The following ATE1 variants were observed in gnomAD, a reference collection of about 807,000 sequenced individuals.
The protein encoded by ATE1 is arginyl-tRNA--protein transferase 1.
In ATE1, 36 loss-of-function variants were observed where a neutral mutation model predicts 70.5. The ratio of observed to expected loss-of-function variants is 0.51; its 90% CI spans 0.39 to 0.67. The LOEUF (loss-of-function observed/expected upper bound fraction) is 0.67. Ranked by LOEUF, ATE1 falls within the 30% of genes least tolerant of loss-of-function variation. ATE1 has a pLI of 0.00. For synonymous variants in ATE1, 232 were observed against 219.3 expected (o/e 1.06, Z -0.51); for missense variants, 593 against 629.5 (o/e 0.94, Z 0.62).
chr10:121,825,432 C>T (rs1947969517), intron 10 of ATE1, among the ~76,000 whole-genome samples: 1 of 152,202 alleles, frequency 6.6e-6, no homozygotes, highest in East Asian at 1.9e-4. Context: ...GATGTTCACA[C>T]TCTGCAGGAC....
At chr10:121,893,008 G>A (rs968219463) in intron 7 of ATE1, among the ~76,000 whole-genome samples, 1 of 152,116 alleles carries the variant, frequency 6.6e-6, no homozygotes, top group Non-Finnish European at 1.5e-5. Context: ...GCCGGGCACG[G>A]TGGCTTACGC....
intron 11 of ATE1, among the ~76,000 whole-genome samples, chr10:121,778,671 G>A (rs1282494626): frequency 7.0e-6 from 1 of 143,098 alleles, no homozygotes; most frequent in South Asian, 2.3e-4. Flanking sequence ...GCGTGACATC[G>A]GCTCACTGCA....
chr10:121,788,834 C>A (rs1251803238), intron 11 of ATE1, among the ~76,000 whole-genome samples: 1 of 152,222 alleles, frequency 6.6e-6, no homozygotes, highest in African/African-American at 2.4e-5. Context: ...AAGGGGAAGA[C>A]AAGCATGTCA....
intron 7 of ATE1, among the ~76,000 whole-genome samples, chr10:121,874,497 C>G (rs1949965596): frequency 6.6e-6 from 1 of 152,150 alleles, no homozygotes; most frequent in Non-Finnish European, 1.5e-5. Context: ...AGAATTAAAT[C>G]TGTATTTAAC....
intron 7 of ATE1, among the ~76,000 whole-genome samples, chr10:121,886,011 A>G (rs183371744): frequency 1.3e-5 from 2 of 152,228 alleles, no homozygotes; most frequent in East Asian, 3.9e-4. Context: ...ATACAGGTTA[A>G]GTATCCCTAA....
At chr10:121,786,180 GA>G (rs1946196580) in intron 11 of ATE1, among the ~76,000 whole-genome samples, 1 of 141,444 alleles carries the variant, frequency 7.1e-6, no homozygotes, top group Admixed American at 7.2e-5. Flanking sequence ...TAGTGCTTGG[GA>G]AACAGCACAT....
rs1226221263 is a variant in ATE1 at position 121,740,825 on chromosome 10, TAA to T, written c.*2853_*2854del. ...GAATGAAAAATAGGATAAAGCTATT[TAA>T]AAGTCAACATAGTAATATTTATCTA... is the stretch of plus-strand genomic sequence containing the variant. On this transcript the variant is annotated 3_prime_UTR_variant, in exon 12 of 12. Transcript: ENST00000224652. The T allele has an allele frequency of 1.3e-5, 2 of 152,180 alleles. No homozygotes were observed. Among genetic ancestry groups the T allele is most frequent in the Non-Finnish European group, 2.9e-5 (2 of 68,026 alleles). 9.4% of individuals were successfully genotyped at this position (152,180 alleles called of 1,614,324 possible).
intron 8 of ATE1, among the ~76,000 whole-genome samples, chr10:121,852,611 T>TGAGGCAGGAAAATCACTTGAACCCGG (rs1949097484): frequency 6.6e-6 from 1 of 151,978 alleles, no homozygotes; most frequent in South Asian, 2.1e-4. Flanking sequence ...CTTGGGAGGC[T>TGAGGCAGGAAAATCACTTGAACCCGG]GAGGCAGGAA....
At chr10:121,884,815 T>G (rs1950331597) in intron 7 of ATE1, among the ~76,000 whole-genome samples, 1 of 152,208 alleles carries the variant, frequency 6.6e-6, no homozygotes, top group Non-Finnish European at 1.5e-5. Flanking sequence ...CTATTAGTAA[T>G]AAATGTCTTG....
chr10:121,776,750 GCA>G lies in ATE1; in HGVS notation c.1378+13417_1378+13418del, dbSNP rs371253520. Among the ~76,000 whole-genome samples the G allele has an allele frequency of 1.5e-4, 23 of 152,376 alleles. No individual in the cohort carries two copies. The East Asian group carries it at 3.5e-3, about 23-fold the overall frequency. On this transcript the variant is annotated intron_variant, in intron 11 of 11. Transcript: ENST00000224652. ...TAAGTGTGCACGCATGCACGCGTGT[GCA>G]CAGATACATGAAAGTGAGTATTATA...
At chr10:121,894,138 AAAAAAAAAAAAAAAAGGAACAGAGG>A (rs1950683391) in intron 7 of ATE1, among the ~76,000 whole-genome samples, 1 of 104,150 alleles carries the variant, frequency 9.6e-6, no homozygotes, top group African/African-American at 3.1e-5. Flanking sequence ...ACTCCATCTC[AAAAAAAAAAAAAAAAGGAACAGAGG>A]AAAAAAAAAA....
intron 5 of ATE1, among the ~76,000 whole-genome samples, chr10:121,907,138 A>T (rs1484002164): frequency 2.6e-5 from 4 of 152,100 alleles, no homozygotes; most frequent in Non-Finnish European, 5.9e-5. Flanking sequence ...AAGAAACTAC[A>T]AACATCAAAA....
intron 3 of ATE1, among the ~76,000 whole-genome samples, chr10:121,917,990 T>C (rs1232409390): frequency 2.0e-5 from 3 of 152,196 alleles, no homozygotes; most frequent in Non-Finnish European, 2.9e-5. Context: ...ACTGCTGTTA[T>C]ATACAAGGTA....
At chr10:121,806,085 T>C (rs1220047037) in intron 10 of ATE1, among the ~76,000 whole-genome samples, 1 of 152,138 alleles carries the variant, frequency 6.6e-6, no homozygotes, top group Non-Finnish European at 1.5e-5. Context: ...AAATTCAAAT[T>C]ACAGGAGACT....
chr10:121,821,698 T>C lies in ATE1; in HGVS notation c.1257+15020A>G, dbSNP rs554717761. On this transcript the variant is annotated intron_variant, in intron 10 of 11. Coordinates refer to ENST00000224652, the MANE Select transcript of ATE1 (RefSeq NM_001001976.3). ...GAGTTCAAGGGCAGCCTGGCCAATA[T>C]GGGGGAACCCCATCTCTACTAAAAA... Among the ~76,000 whole-genome samples the C allele has an allele frequency of 5.9e-5, 9 of 152,282 alleles. No homozygotes were observed. The South Asian group carries it at 1.0e-3, about 18-fold the overall frequency.
upstream of ATE1, chr10:121,928,343 T>A (rs1465886057): frequency 9.2e-6 from 14 of 1,521,946 alleles, no homozygotes; most frequent in Non-Finnish European, 1.2e-5. Context: ...TCGGGAACAC[T>A]CACCGCAGGA....
At chr10:121,759,723 CAAA>C (rs869041308) in intron 11 of ATE1, among the ~76,000 whole-genome samples, 1 of 72,730 alleles carries the variant, frequency 1.4e-5, no homozygotes, top group African/African-American at 5.0e-5. Flanking sequence ...GACTCCGTCT[CAAA>C]AAAAAAAAAA....
chr10:121,766,875 A>G lies in ATE1; in HGVS notation c.1379-23017T>C, dbSNP rs543973565. On this transcript the variant is annotated intron_variant, in intron 11 of 11. Transcript: ENST00000224652. ...TCGTTCATGCTCCAGAAGGGCCTGGAAAATTCGAACAAACATTTAAAGAAA... is the reference window on the plus strand; with the variant it reads ...TCGTTCATGCTCCAGAAGGGCCTGGGAAATTCGAACAAACATTTAAAGAAA... Among the ~76,000 whole-genome samples, 7 of 152,326 alleles carry G rather than the reference A, an allele frequency of 4.6e-5. No individual in the cohort carries two copies. In the East Asian group the frequency reaches 1.3e-3, roughly 29 times the overall value.
chr10:121,876,794 G>A (rs1019440386), intron 7 of ATE1, among the ~76,000 whole-genome samples: 13 of 151,890 alleles, frequency 8.6e-5, no homozygotes, highest in Non-Finnish European at 1.8e-4. Context: ...GTGAAACCCC[G>A]TCTCTACTAA....
Sources: gnomAD v4.1 joint callset for allele counts (sites outside exome capture counted in the v4.1 genomes callset) on GRCh38, gnomAD v4.1.1 for gene constraint, MANE v1.5 for transcripts, NCBI Gene and HGNC (gene_info 2026-07-23, HGNC 2026-07-21) for gene names.